The following KICS2 variants were observed in gnomAD, a reference collection of about 807,000 sequenced individuals.
KICS2 encodes the protein KICSTOR subunit 2.
A neutral mutation model predicts 31.4 loss-of-function variants in KICS2; 13 were observed. The ratio of observed to expected loss-of-function variants is 0.41; its 90% CI spans 0.27 to 0.66. The LOEUF (loss-of-function observed/expected upper bound fraction) is 0.66, where lower values mean the gene tolerates loss of function less well. KICS2 is among the 30% of genes least tolerant of loss of function. The pLI is 0.28. For missense variants in KICS2, 455 were observed against 545.4 expected, an observed-to-expected ratio of 0.83 and a Z score of 1.65; for synonymous variants, 209 against 214.8, an observed-to-expected ratio of 0.97 and a Z score of 0.24.
chr12:64,199,661 T>A (rs1302544126), intron 2 of KICS2, among the ~76,000 whole-genome samples: 1 of 147,586 alleles, frequency 6.8e-6, no homozygotes, highest in Non-Finnish European at 1.5e-5. Flanking sequence ...GGAAGTCAAA[T>A]TGTCCCTGTT....
intron 2 of KICS2, among the ~76,000 whole-genome samples, chr12:64,197,015 G>C (rs981097656): frequency 4.1e-5 from 5 of 123,256 alleles, no homozygotes; most frequent in Non-Finnish European, 8.4e-5. Flanking sequence ...AACCAAGTTG[G>C]AAAACACTCT....
chr12:64,211,659 G>A (rs555205803), intron 2 of KICS2, among the ~76,000 whole-genome samples: 2 of 152,096 alleles, frequency 1.3e-5, no homozygotes, highest in South Asian at 4.2e-4. Context: ...GCCTCTTAAA[G>A]ACGGGAACTA....
intron 1 of KICS2, 157 bp downstream of exon 1, chr12:64,221,846 C>G: frequency 1.2e-6 from 1 of 849,918 alleles, no homozygotes; most frequent in Non-Finnish European, 1.8e-6. Context: ...TGTGGAAGCC[C>G]AGGGAAGGAA....
rs768392167 is a variant in KICS2, at chr12:64,193,938, C to T, written c.1242G>A (p.Glu414=). Residue 414 remains glutamate, a synonymous_variant, in exon 3 of 3, where the codon GAG becomes GAA. Coordinates refer to ENST00000398055, the MANE Select transcript of KICS2 (RefSeq NM_152440.5). ...GGAAGGAAATAAAGTGGGAGTCTCTCTCAGATTTCTTTGACTCAAAAATGA... is the reference window on the plus strand; with the variant it reads ...GGAAGGAAATAAAGTGGGAGTCTCTTTCAGATTTCTTTGACTCAAAAATGA... ...IVIIFESKKS[E]RDSHFISFLN... is the part of the protein sequence containing the mutation. The T allele has an allele frequency of 2.5e-6, 4 of 1,614,160 alleles. No individual in the cohort carries two copies. Among genetic ancestry groups the T allele is most frequent in the African/African-American group, 1.3e-5 (1 of 75,040 alleles).
chr12:64,193,074 A>G lies in KICS2; in HGVS notation c.*768T>C, dbSNP rs965089759. 5.1e-6 allele frequency: 5 copies of G among 985,356 alleles called. No individual in the cohort carries two copies. Among genetic ancestry groups the G allele is most frequent in the Non-Finnish European group, 6.0e-6 (5 of 829,942 alleles). 61.0% of individuals were successfully genotyped at this position (985,356 alleles called of 1,614,324 possible). A position where few individuals can be genotyped will look rare whatever the true frequency, so the allele number is the denominator to read the frequency against. On this transcript the variant is annotated 3_prime_UTR_variant, in exon 3 of 3. Coordinates refer to ENST00000398055, the MANE Select transcript of KICS2 (RefSeq NM_152440.5). ...AAGTGATAAACAGAAAGCGAAGCGGATAATATGCTGAAGAATGAAGAAAGC... is the reference window on the plus strand; with the variant it reads ...AAGTGATAAACAGAAAGCGAAGCGGGTAATATGCTGAAGAATGAAGAAAGC...
chr12:64,217,267 G>C (rs1317220817), intron 1 of KICS2, among the ~76,000 whole-genome samples: 1 of 152,012 alleles, frequency 6.6e-6, no homozygotes, highest in Non-Finnish European at 1.5e-5. Context: ...AATCCCTCAG[G>C]CCTGGGAAAA....
At chr12:64,189,507 C>CA (rs1222848902), downstream of KICS2, among the ~76,000 whole-genome samples, 1 of 152,152 alleles carries the variant, frequency 6.6e-6, no homozygotes, top group Non-Finnish European at 1.5e-5. Context: ...ATACTGTCAT[C>CA]AAAATCCTGA....
rs1256274525 is a variant in KICS2, at chr12:64,193,638, T to G, written c.*204A>C. On this transcript the variant is annotated 3_prime_UTR_variant, in exon 3 of 3. Transcript: ENST00000398055. ...TACCATGGAGACACATGGTAGCCCATGACCACTTCCTAGATTACTCTTTGG... is the reference window on the plus strand; with the variant it reads ...TACCATGGAGACACATGGTAGCCCAGGACCACTTCCTAGATTACTCTTTGG... 7.1e-7 allele frequency: 1 copy of G among 1,400,742 alleles called. No homozygotes were observed. The highest frequency in any genetic ancestry group is 3.1e-5 in the Admixed American group (1 of 32,034). 86.8% of individuals were successfully genotyped at this position (1,400,742 alleles called of 1,614,324 possible).
chr12:64,188,730 G>A (rs182494470), downstream of KICS2, among the ~76,000 whole-genome samples: 7 of 152,162 alleles, frequency 4.6e-5, no homozygotes, highest in East Asian at 3.9e-4. Context: ...GGGAGAAAAC[G>A]GCTGCTTTAT....
At chr12:64,208,769 T>C (rs1416237532) in intron 2 of KICS2, among the ~76,000 whole-genome samples, 1 of 152,194 alleles carries the variant, frequency 6.6e-6, no homozygotes, top group East Asian at 1.9e-4. Context: ...AAAATTATTA[T>C]TTAACAATTA....
intron 2 of KICS2, among the ~76,000 whole-genome samples, chr12:64,207,083 A>T (rs377052118): frequency 1.6e-3 from 244 of 151,978 alleles, no homozygotes; most frequent in African/African-American, 4.9e-3. Context: ...GATGGGTGGG[A>T]CCCTTGAGCT....
chr12:64,220,706 CATAA>C (rs1271310984), intron 1 of KICS2, among the ~76,000 whole-genome samples: 1 of 152,036 alleles, frequency 6.6e-6, no homozygotes, highest in Non-Finnish European at 1.5e-5. Flanking sequence ...ATATATTATA[CATAA>C]ATTATAATTT....
At chr12:64,188,098 T>C (rs879427844), downstream of KICS2, among the ~76,000 whole-genome samples, 3 of 152,170 alleles carry the variant, frequency 2.0e-5, no homozygotes, top group Non-Finnish European at 4.4e-5. Context: ...ATAAAAACAA[T>C]CAAAATGAAT....
chr12:64,214,416 T>C (rs1378461593), intron 2 of KICS2, among the ~76,000 whole-genome samples: 2 of 152,212 alleles, frequency 1.3e-5, no homozygotes, highest in Admixed American at 6.5e-5. Flanking sequence ...CCTTCTCTGT[T>C]TGAACCAAGA....
At chr12:64,188,996 T>C (rs764607354), downstream of KICS2, among the ~76,000 whole-genome samples, 2 of 151,756 alleles carry the variant, frequency 1.3e-5, no homozygotes, top group African/African-American at 2.4e-5. Context: ...CTACTAAAAA[T>C]ACAAAAATTA....
downstream of KICS2, chr12:64,187,760 T>A: frequency 1.2e-6 from 1 of 851,924 alleles, no homozygotes; most frequent in Non-Finnish European, 1.8e-6. Flanking sequence ...AAAAAAAATC[T>A]AGTTTTCTTA....
At chr12:64,208,996 C>CA (rs145336727) in intron 2 of KICS2, among the ~76,000 whole-genome samples, 2,559 of 152,038 alleles carry the variant, frequency 0.017, 69 homozygotes, top group African/African-American at 0.056. Flanking sequence ...TTTATACCCA[C>CA]AAACAATAAA....
chr12:64,203,185 G>C (rs1453351501), intron 2 of KICS2, among the ~76,000 whole-genome samples: 1 of 152,160 alleles, frequency 6.6e-6, no homozygotes, highest in Non-Finnish European at 1.5e-5. Context: ...CAGAAATTTA[G>C]TCAATGTGGT....
intron 2 of KICS2, among the ~76,000 whole-genome samples, chr12:64,212,691 A>G (rs2136703727): frequency 6.6e-6 from 1 of 152,336 alleles, no homozygotes; most frequent in Non-Finnish European, 1.5e-5. Context: ...TTTCTTGGAT[A>G]TATACCTAGG....
Sources: allele counts gnomAD v4.1 joint callset (sites outside exome capture counted in the v4.1 genomes callset), GRCh38; gene constraint gnomAD v4.1.1; transcripts MANE v1.5; gene names NCBI Gene and HGNC (gene_info 2026-07-23, HGNC 2026-07-21).